PRKN: variants seen among roughly 807,000 people sequenced by gnomAD.
PRKN encodes E3 ubiquitin-protein ligase parkin.
A neutral mutation model predicts 59.5 loss-of-function variants in PRKN; 56 were observed. The ratio of observed to expected loss-of-function variants is 0.94; its 90% CI spans 0.76 to 1.18. The LOEUF (loss-of-function observed/expected upper bound fraction) is 1.18. Ranked by LOEUF, PRKN falls within the 50% of genes most tolerant of loss-of-function variation. PRKN has a pLI of 0.00. For missense variants in PRKN, 657 were observed against 596.4 expected (o/e 1.10, Z -1.06); for synonymous variants, 250 against 222.1 (o/e 1.13, Z -1.12).
chr6:162,272,351 T>C lies in PRKN; in HGVS notation c.172-9586A>G, dbSNP rs376225989. Among the ~76,000 whole-genome samples the C allele has an allele frequency of 3.9e-5, 6 of 152,178 alleles. No individual in the cohort carries two copies. The South Asian group carries it at 6.2e-4, about 16-fold the overall frequency. ...AACATTGCAAGAAATGCCTCAAGTA[T>C]CACTTCTTTTTTCTTTAAGTATTAT... On this transcript the variant is annotated intron_variant, in intron 2 of 11. Transcript: ENST00000366898.
rs140587804 is a variant in PRKN, at chr6:162,476,519, T to C, written c.8-33046A>G. 2.9e-3 allele frequency among the ~76,000 whole-genome samples: 449 copies of C among 152,288 alleles called. 1 individual carries two copies. Among genetic ancestry groups the C allele is most frequent in the African/African-American group, 0.01 (431 of 41,544 alleles). Reference sequence around the variant, plus strand: ...TAGTAAATCTTCTCAATCCCGTTTGTATAGGCTTTCTTAAGTGAAACAAAG... The same window carrying C: ...TAGTAAATCTTCTCAATCCCGTTTGCATAGGCTTTCTTAAGTGAAACAAAG... On this transcript the variant is annotated intron_variant, in intron 1 of 11. Transcript: ENST00000366898.
chr6:161,526,860 G>T lies in PRKN; in HGVS notation c.1083+21994C>A, dbSNP rs1779034936. Among the ~76,000 whole-genome samples the T allele has an allele frequency of 6.6e-6, 1 of 152,196 alleles. No individual in the cohort carries two copies. The highest frequency in any genetic ancestry group is 1.5e-5 in the Non-Finnish European group (1 of 68,034). The stretch of plus-strand genomic sequence containing the variant: ...CCCTCAAAATATAAGGCTCAAAGAA[G>T]GGGTAGGTAATTGGAGTTTATATAG... On this transcript the variant is annotated intron_variant, in intron 9 of 11. Coordinates refer to ENST00000366898, the MANE Select transcript of PRKN (RefSeq NM_004562.3). This position sits in a 1 kb window ranked among gnomAD's most constrained non-coding sequence, Gnocchi z 4.1.
intron 1 of PRKN, among the ~76,000 whole-genome samples, chr6:162,548,029 G>A (rs544122550): frequency 1.3e-5 from 2 of 148,610 alleles, no homozygotes; most frequent in South Asian, 4.5e-4. Context: ...ACACTGGAAG[G>A]TGGCCCCTAC....
intron 1 of PRKN, among the ~76,000 whole-genome samples, chr6:162,509,444 A>T (rs1199115684): frequency 6.6e-6 from 1 of 152,208 alleles, no homozygotes; most frequent in Non-Finnish European, 1.5e-5. Flanking sequence ...GCCTCAACAA[A>T]AAGAGGATTT....
At chr6:162,013,048 T>C (rs761788645) in intron 5 of PRKN, among the ~76,000 whole-genome samples, 21 of 152,158 alleles carry the variant, frequency 1.4e-4, no homozygotes, top group African/African-American at 1.7e-4. Flanking sequence ...TTAGTATCCA[T>C]TGATAATCCC....
At chr6:161,920,297 G>A (rs1778731825) in intron 6 of PRKN, among the ~76,000 whole-genome samples, 1 of 151,880 alleles carries the variant, frequency 6.6e-6, no homozygotes, top group South Asian at 2.1e-4. Flanking sequence ...GGCATGAGAC[G>A]TGCTTGAACC....
chr6:162,393,968 A>G (rs1358611605), intron 2 of PRKN, among the ~76,000 whole-genome samples: 1 of 152,210 alleles, frequency 6.6e-6, no homozygotes, highest in Non-Finnish European at 1.5e-5. Flanking sequence ...AAGAAATACA[A>G]AGCAAAGTTT....
rs117957027 is a variant in PRKN, at chr6:161,804,160, G to T, written c.735-18252C>A. On this transcript the variant is annotated intron_variant, in intron 6 of 11. Transcript: ENST00000366898. ...AGCACAAGGGTTCCCTAACAATCAC[G>T]AATAATGAAGAGCGCAGAGTATCCA... Among the ~76,000 whole-genome samples, 123 of 152,292 alleles carry T rather than the reference G, an allele frequency of 8.1e-4. 2 individuals are homozygous for T. The East Asian group carries it at 0.021, about 26-fold the overall frequency.
intron 6 of PRKN, among the ~76,000 whole-genome samples, chr6:161,863,466 C>A (rs577076052): frequency 1.3e-5 from 2 of 152,060 alleles, no homozygotes; most frequent in Non-Finnish European, 2.9e-5. Flanking sequence ...CAAGTATGCC[C>A]CCTTATTCCT....
At chr6:162,052,321 G>C (rs187807225) in intron 5 of PRKN, among the ~76,000 whole-genome samples, 4 of 151,734 alleles carry the variant, frequency 2.6e-5, no homozygotes, top group South Asian at 2.1e-4. Flanking sequence ...TGTTTAATTT[G>C]ACTGGATATT....
At chr6:162,629,810 C>G (rs746959581) in intron 1 of PRKN, among the ~76,000 whole-genome samples, 55 of 152,086 alleles carry the variant, frequency 3.6e-4, no homozygotes, top group Non-Finnish European at 2.4e-4. Flanking sequence ...AATTTTGTCA[C>G]AGAATCTAGA....
intron 1 of PRKN, among the ~76,000 whole-genome samples, chr6:162,596,529 G>T (rs1269076110): frequency 6.6e-6 from 1 of 152,006 alleles, no homozygotes; most frequent in Non-Finnish European, 1.5e-5. Context: ...TAACTTCCTA[G>T]GCATTGAAAT....
At chr6:162,520,764 T>C (rs1435018706) in intron 1 of PRKN, among the ~76,000 whole-genome samples, 3 of 152,054 alleles carry the variant, frequency 2.0e-5, no homozygotes, top group South Asian at 2.1e-4. Context: ...CATTCAAATT[T>C]TTAAATGGAA....
intron 7 of PRKN, among the ~76,000 whole-genome samples, chr6:161,774,686 C>T (rs564170978): frequency 6.6e-6 from 1 of 152,250 alleles, no homozygotes; most frequent in East Asian, 1.9e-4. Context: ...GGCCCCTTGG[C>T]CAACCCACAC....
chr6:161,368,341 TTGTATATATATTTG>T (rs1212890004), intron 10 of PRKN, among the ~76,000 whole-genome samples: 5 of 87,138 alleles, frequency 5.7e-5, no homozygotes, highest in Non-Finnish European at 1.3e-4. Flanking sequence ...GTATATATAT[TTGTATATATATTTG>T]TGTATATATA....
chr6:161,452,033 G>A (rs1181774046), intron 9 of PRKN, among the ~76,000 whole-genome samples: 2 of 150,796 alleles, frequency 1.3e-5, no homozygotes, highest in Non-Finnish European at 2.9e-5. Flanking sequence ...TTGGCTCACT[G>A]CACCCTCCCC....
Position 161,566,890 on chromosome 6 carries a change from C to T in PRKN, c.933+2465G>A, listed in dbSNP as rs935369207. Among the ~76,000 whole-genome samples, 1 of 152,138 alleles carries T rather than the reference C, an allele frequency of 6.6e-6. No individual in the cohort carries two copies. Among genetic ancestry groups the T allele is most frequent in the Non-Finnish European group, 1.5e-5 (1 of 68,042 alleles). On this transcript the variant is annotated intron_variant, in intron 8 of 11. Coordinates refer to ENST00000366898, the MANE Select transcript of PRKN (RefSeq NM_004562.3). This position sits in a 1 kb window ranked among gnomAD's most constrained non-coding sequence, Gnocchi z 4.1. Reference sequence around the variant, plus strand: ...TGCTTCATCCACTCTGTGGAAATCTCCTTTCCCAGATGTCACCATGAGGCT... The same window carrying T: ...TGCTTCATCCACTCTGTGGAAATCTTCTTTCCCAGATGTCACCATGAGGCT...
intron 1 of PRKN, among the ~76,000 whole-genome samples, chr6:162,594,090 C>T (rs970163254): frequency 2.0e-5 from 3 of 151,172 alleles, no homozygotes; most frequent in Non-Finnish European, 2.9e-5. Flanking sequence ...GTGGAAGTTG[C>T]GGTCAGCAGA....
In PRKN at chr6:161,488,657, T is replaced by C. The variant is rs912429017; in HGVS notation, c.1083+60197A>G. Among the ~76,000 whole-genome samples, 1 of 151,972 alleles carries C rather than the reference T, an allele frequency of 6.6e-6. No individual in the cohort carries two copies. The highest frequency in any genetic ancestry group is 1.5e-5 in the Non-Finnish European group (1 of 67,982). ...TGCACCACCACACCTGGCTAATTTT[T>C]AAAATTTTTTGTAGAGGTGGGGTCT... On this transcript the variant is annotated intron_variant, in intron 9 of 11. Coordinates refer to ENST00000366898, the MANE Select transcript of PRKN (RefSeq NM_004562.3). This position sits in a 1 kb window ranked among gnomAD's most constrained non-coding sequence, Gnocchi z 4.5.
Sources: allele counts gnomAD v4.1 joint callset (sites outside exome capture counted in the v4.1 genomes callset), GRCh38; gene constraint gnomAD v4.1.1; non-coding constraint Gnocchi (gnomAD v3.1); transcripts MANE v1.5; gene names NCBI Gene and HGNC (gene_info 2026-07-23, HGNC 2026-07-21).